The following PRRC2B variants were observed in gnomAD, a reference collection of about 807,000 sequenced individuals.
PRRC2B encodes the protein protein PRRC2B.
A neutral mutation model predicts 242.3 loss-of-function variants in PRRC2B; 68 were observed. The ratio of observed to expected loss-of-function variants is 0.28; its 90% CI spans 0.23 to 0.34. PRRC2B has a LOEUF of 0.34. Among genes scored for constraint, PRRC2B ranks in the 10% least tolerant of loss-of-function variants. The pLI is 1.00. For synonymous variants in PRRC2B, 1,228 were observed against 1,173.6 expected (o/e 1.05, Z -0.95); for missense variants, 2,835 against 2,954.8 (o/e 0.96, Z 0.94).
chr9:131,465,586 C>G (rs1436436850), intron 12 of PRRC2B, among the ~76,000 whole-genome samples: 1 of 152,170 alleles, frequency 6.6e-6, no homozygotes, highest in Non-Finnish European at 1.5e-5. Context: ...CACTATTATC[C>G]TCGCTATCCC....
Position 131,424,321 on chromosome 9 carries a change from C to T in PRRC2B, c.-51-5773C>T, listed in dbSNP as rs369468561. On this transcript the variant is annotated intron_variant, in intron 1 of 31. Transcript: ENST00000683519. ...AGGGTCAGTGCTTGTCTAGGCCACT[C>T]CTTCAGTAGATGAGGAAACAGGTCT... 4.5e-4 allele frequency among the ~76,000 whole-genome samples: 68 copies of T among 152,264 alleles called. 1 individual carries two copies. The East Asian group carries it at 0.01, about 23-fold the overall frequency.
At chr9:131,426,597 G>C (rs902141633) in intron 1 of PRRC2B, among the ~76,000 whole-genome samples, 4 of 152,098 alleles carry the variant, frequency 2.6e-5, no homozygotes, top group African/African-American at 9.7e-5. Context: ...AAGCAGCCAG[G>C]TCATGGGCAC....
At chr9:131,458,508 T>A (rs1018040666) in intron 10 of PRRC2B, among the ~76,000 whole-genome samples, 51 of 152,214 alleles carry the variant, frequency 3.4e-4, no homozygotes, top group South Asian at 1.5e-3. Flanking sequence ...TTTTTATTTT[T>A]TTTTTTTTCT....
At chr9:131,472,333 C>G (rs1943569203) in intron 14 of PRRC2B, among the ~76,000 whole-genome samples, 1 of 152,104 alleles carries the variant, frequency 6.6e-6, no homozygotes, top group African/African-American at 2.4e-5. Flanking sequence ...GAGACAGAGT[C>G]TTGCTCTGTC....
intron 11 of PRRC2B, among the ~76,000 whole-genome samples, chr9:131,463,286 A>T (rs1218488955): frequency 2.6e-5 from 4 of 151,964 alleles, no homozygotes; most frequent in African/African-American, 9.7e-5. Flanking sequence ...TTTTTAGGAA[A>T]CTCCTTGACT....
intron 1 of PRRC2B, among the ~76,000 whole-genome samples, chr9:131,426,464 T>G (rs1178231589): frequency 1.3e-5 from 2 of 152,108 alleles, no homozygotes. Flanking sequence ...CTCAAGAGGC[T>G]TGCAATCTAG....
In PRRC2B at chr9:131,476,019, G is replaced by A. The variant is rs773737742; in HGVS notation, c.3890G>A (p.Arg1297Gln). ...HVADSENAEN[R>Q]PFRRRRPPRQ... Reference sequence around the variant, plus strand: ...GCAGATTCTGAAAATGCAGAGAACCGGCCCTTCAGGAGAAGGCGCCCCCCA... The same window carrying A: ...GCAGATTCTGAAAATGCAGAGAACCAGCCCTTCAGGAGAAGGCGCCCCCCA... Residue 1297 changes from arginine to glutamine, a missense_variant, in exon 16 of 32, where the codon CGG becomes CAG. Physicochemically the swap from Arg to Gln is conservative, Grantham distance 43 (BLOSUM62 1). Transcript: ENST00000683519. The A allele has an allele frequency of 6.8e-6, 11 of 1,606,366 alleles. No individual in the cohort carries two copies. Among genetic ancestry groups the A allele is most frequent in the Non-Finnish European group, 9.4e-6 (11 of 1,174,674 alleles).
chr9:131,420,499 T>TCTTTCTTTCTTC (rs889470295), intron 1 of PRRC2B, among the ~76,000 whole-genome samples: 1 of 84,494 alleles, frequency 1.2e-5, no homozygotes, highest in African/African-American at 4.4e-5. Flanking sequence ...CTTTCTTTTT[T>TCTTTCTTTCTTC]TTTTTTTTTT....
At chr9:131,425,028 G>C (rs1001161878) in intron 1 of PRRC2B, among the ~76,000 whole-genome samples, 5 of 152,080 alleles carry the variant, frequency 3.3e-5, no homozygotes, top group Non-Finnish European at 7.4e-5. Context: ...GTGCAATGGC[G>C]CAATCTTGGC....
In PRRC2B at chr9:131,498,793, C is replaced by T. The variant is rs1944396039; in HGVS notation, c.*2919C>T. The T allele has an allele frequency of 6.6e-6, 1 of 152,166 alleles. No homozygotes were observed. The highest frequency in any genetic ancestry group is 2.4e-5 in the African/African-American group (1 of 41,444). 9.4% of individuals were successfully genotyped at this position (152,166 alleles called of 1,614,324 possible). On this transcript the variant is annotated 3_prime_UTR_variant, in exon 32 of 32. Transcript: ENST00000683519. The stretch of plus-strand genomic sequence containing the variant: ...GACGCTGGCAGCTCTGCCTTGGTCA[C>T]TGGGGATGCGGCTCGTTGCTCAGCC...
At chr9:131,416,227 G>A (rs1020345597) in intron 1 of PRRC2B, among the ~76,000 whole-genome samples, 3 of 151,914 alleles carry the variant, frequency 2.0e-5, no homozygotes, top group Non-Finnish European at 4.4e-5. Context: ...TTCTGCCTCA[G>A]CCTCCTGAGT....
chr9:131,422,147 C>T (rs574628153), intron 1 of PRRC2B, among the ~76,000 whole-genome samples: 4 of 152,194 alleles, frequency 2.6e-5, no homozygotes, highest in African/African-American at 7.2e-5. Flanking sequence ...CTCTGCCTCC[C>T]GGGTTCAAGC....
chr9:131,443,502 C>T (rs960912916), intron 5 of PRRC2B, among the ~76,000 whole-genome samples: 3 of 151,836 alleles, frequency 2.0e-5, no homozygotes, highest in Admixed American at 6.6e-5. Context: ...GGCACGTTTT[C>T]GGCTCACTGC....
At chr9:131,375,629 G>C (rs946030690) in intron 1 of PRRC2B, among the ~76,000 whole-genome samples, 89 of 152,234 alleles carry the variant, frequency 5.8e-4, no homozygotes, top group Admixed American at 2.5e-3. Context: ...GGGTCAGAAG[G>C]CTCTTGTTCC....
intron 1 of PRRC2B, among the ~76,000 whole-genome samples, chr9:131,387,481 CA>C (rs1360218722): frequency 6.6e-6 from 1 of 150,436 alleles, no homozygotes; most frequent in Non-Finnish European, 1.5e-5. Flanking sequence ...TCAATACAAT[CA>C]AGTTGACACT....
chr9:131,374,749 ACTC>A (rs966856231), intron 1 of PRRC2B, among the ~76,000 whole-genome samples: 1 of 151,586 alleles, frequency 6.6e-6, no homozygotes, highest in African/African-American at 2.4e-5. Flanking sequence ...CTGGTCTCGA[ACTC>A]CTGACCTCAG....
chr9:131,408,578 T>C (rs542574666), intron 1 of PRRC2B, among the ~76,000 whole-genome samples: 1 of 152,334 alleles, frequency 6.6e-6, no homozygotes, highest in African/African-American at 2.4e-5. Context: ...AGAACCCAGG[T>C]TGAATAATAC....
upstream of PRRC2B, among the ~76,000 whole-genome samples, chr9:131,389,215 G>C (rs12351921): frequency 0.18 from 26,912 of 146,474 alleles, 4,766 homozygotes; most frequent in African/African-American, 0.43. Context: ...TGCAGTGCTG[G>C]GATCACGGCT....
chr9:131,469,651 C>A (rs775267582), intron 13 of PRRC2B, among the ~76,000 whole-genome samples: 28 of 152,130 alleles, frequency 1.8e-4, no homozygotes, highest in Non-Finnish European at 3.7e-4. Context: ...GTGCTGGAGG[C>A]CGTTTGGGTG....
Sources: gnomAD v4.1 joint callset for allele counts (sites outside exome capture counted in the v4.1 genomes callset) on GRCh38, gnomAD v4.1.1 for gene constraint, MANE v1.5 for transcripts, NCBI Gene and HGNC (gene_info 2026-07-23, HGNC 2026-07-21) for gene names.